CTNNBIP1: variants seen among roughly 807,000 people sequenced by gnomAD.
CTNNBIP1 encodes beta-catenin-interacting protein 1.
CTNNBIP1 carries 7 observed loss-of-function variants against 11.8 expected under a neutral mutation model. That is an observed-to-expected ratio of 0.60 (90% CI 0.34 to 1.12). The LOEUF (loss-of-function observed/expected upper bound fraction) is 1.12, where lower values mean the gene tolerates loss of function less well. Ranked by LOEUF, CTNNBIP1 falls within the 50% of genes most tolerant of loss-of-function variation. CTNNBIP1 has a pLI of 0.03. For missense variants in CTNNBIP1, 101 were observed against 113.4 expected (o/e 0.89, Z 0.50); for synonymous variants, 58 against 43.9 (o/e 1.32, Z -1.26).
chr1:9,858,112 G>A (rs1448418781), intron 5 of CTNNBIP1, among the ~76,000 whole-genome samples: 1 of 152,084 alleles, frequency 6.6e-6, no homozygotes, highest in Non-Finnish European at 1.5e-5. Flanking sequence ...ACTCTACTTC[G>A]CTACTTATAA....
In CTNNBIP1 at chr1:9,872,122, G is replaced by T; in HGVS notation, c.-24-34C>A. On this transcript the variant is annotated intron_variant, in intron 3 of 5. Coordinates refer to ENST00000377263, the MANE Select transcript of CTNNBIP1 (RefSeq NM_020248.3). This position sits in a 1 kb window ranked among gnomAD's most constrained non-coding sequence, Gnocchi z 4.0. ...CAAGCAACAGCATCAAAAGGGAAGA[G>T]ATCAGGATGTGACATACTGGGACAA... 1 of 1,329,346 alleles carries T rather than the reference G, an allele frequency of 7.5e-7. No individual in the cohort carries two copies. Among genetic ancestry groups the T allele is most frequent in the Admixed American group, 1.7e-5 (1 of 59,084 alleles). 82.3% of individuals were successfully genotyped at this position (1,329,346 alleles called of 1,614,324 possible).
At chr1:9,884,219 C>T (rs1343178641) in intron 1 of CTNNBIP1, among the ~76,000 whole-genome samples, 1 of 152,064 alleles carries the variant, frequency 6.6e-6, no homozygotes, top group Non-Finnish European at 1.5e-5. Flanking sequence ...AACTGGATGC[C>T]CTTTCCTGGG....
intron 5 of CTNNBIP1, among the ~76,000 whole-genome samples, chr1:9,864,455 A>C (rs1469110266): frequency 2.6e-5 from 4 of 152,124 alleles, no homozygotes; most frequent in Non-Finnish European, 5.9e-5. Context: ...CAGCCTCCTG[A>C]GTAGCCAGGA....
chr1:9,866,170 C>T lies in CTNNBIP1; in HGVS notation c.187+5017G>A, dbSNP rs114187217. On this transcript the variant is annotated intron_variant, in intron 5 of 5. Transcript: ENST00000377263. ...AGGAGACAGTGTGGGTGTAGCACAG[C>T]TGAGGTACATGCACATGTGACAGGA... Among the ~76,000 whole-genome samples, 516 of 152,306 alleles carry T rather than the reference C, an allele frequency of 3.4e-3. 6 individuals are homozygous for T. Among genetic ancestry groups the T allele is most frequent in the African/African-American group, 0.011 (468 of 41,558 alleles).
chr1:9,903,886 T>C (rs533785759), intron 1 of CTNNBIP1, among the ~76,000 whole-genome samples: 20 of 152,312 alleles, frequency 1.3e-4, no homozygotes, highest in Non-Finnish European at 2.5e-4. Flanking sequence ...GACATGGTGC[T>C]CAGAGCTCTG....
chr1:9,898,248 G>A (rs933032138), intron 1 of CTNNBIP1, among the ~76,000 whole-genome samples: 5 of 151,794 alleles, frequency 3.3e-5, no homozygotes, highest in Admixed American at 6.6e-5. Flanking sequence ...ACAGTGGGCC[G>A]GGCACAGTGG....
chr1:9,877,601 C>T (rs1638998108), intron 3 of CTNNBIP1, among the ~76,000 whole-genome samples: 1 of 152,212 alleles, frequency 6.6e-6, no homozygotes, highest in Non-Finnish European at 1.5e-5. Flanking sequence ...ACAATTTACA[C>T]TTTCATGATG....
rs1387629696 is a variant in CTNNBIP1, at chr1:9,908,614, G to A, written c.-144+1481C>T. ...CCTAACCTCGTGATCCGCCCGCCTC[G>A]GCCTCCCAAAGTGCTGGGACTACAA... On this transcript the variant is annotated intron_variant, in intron 1 of 5. Coordinates refer to ENST00000377263, the MANE Select transcript of CTNNBIP1 (RefSeq NM_020248.3). 3.9e-5 allele frequency among the ~76,000 whole-genome samples: 6 copies of A among 152,114 alleles called. No individual in the cohort carries two copies. In the East Asian group the frequency reaches 9.7e-4, roughly 24 times the overall value.
chr1:9,860,208 ACCAGGCAGGGCACAGC>A (rs1016405888), intron 5 of CTNNBIP1, among the ~76,000 whole-genome samples: 4 of 152,110 alleles, frequency 2.6e-5, no homozygotes, highest in Non-Finnish European at 5.9e-5. Context: ...GGCTCCACAG[ACCAGGCAGGGCACAGC>A]CCTGTACAAT....
At chr1:9,860,525 G>A (rs1476642915) in intron 5 of CTNNBIP1, among the ~76,000 whole-genome samples, 5 of 148,206 alleles carry the variant, frequency 3.4e-5, no homozygotes, top group Non-Finnish European at 5.9e-5. Flanking sequence ...CAGGAGAGTC[G>A]CTTGAACCTG....
At chr1:9,866,470 G>C (rs1638747445) in intron 5 of CTNNBIP1, among the ~76,000 whole-genome samples, 1 of 152,076 alleles carries the variant, frequency 6.6e-6, no homozygotes, top group Non-Finnish European at 1.5e-5. Flanking sequence ...AAGGTGTATG[G>C]ATCACCTGAA....
rs1638334658 is a variant in CTNNBIP1, at chr1:9,849,698, G to A, written c.*1020C>T. On this transcript the variant is annotated 3_prime_UTR_variant, in exon 6 of 6. Transcript: ENST00000377263. ...GTGGTACACAGAAGGATGGCCAAGAGGACAGAGCTGGGTAGTACGCCTCTG... is the reference window on the plus strand; with the variant it reads ...GTGGTACACAGAAGGATGGCCAAGAAGACAGAGCTGGGTAGTACGCCTCTG... 1 of 152,356 alleles carries A rather than the reference G, an allele frequency of 6.6e-6. No homozygotes were observed. Among genetic ancestry groups the A allele is most frequent in the South Asian group, 2.1e-4 (1 of 4,828 alleles). 9.4% of individuals were successfully genotyped at this position (152,356 alleles called of 1,614,324 possible).
At chr1:9,877,581 T>G (rs1484223797) in intron 3 of CTNNBIP1, among the ~76,000 whole-genome samples, 1 of 152,212 alleles carries the variant, frequency 6.6e-6, no homozygotes, top group African/African-American at 2.4e-5. Flanking sequence ...TCTAATACAT[T>G]TAAAAATGTA....
chr1:9,893,495 C>T (rs1286211303), intron 1 of CTNNBIP1, among the ~76,000 whole-genome samples: 2 of 152,276 alleles, frequency 1.3e-5, no homozygotes, highest in Admixed American at 6.5e-5. Context: ...AGGCCAACGA[C>T]TCACCCAAGA....
In CTNNBIP1 at chr1:9,910,150, G is replaced by C. The variant is rs999574585; in HGVS notation, c.-199C>G. The C allele has an allele frequency of 1.4e-5, 2 of 147,048 alleles. No homozygotes were observed. Among genetic ancestry groups the C allele is most frequent in the African/African-American group, 4.9e-5 (2 of 41,072 alleles). 9.1% of individuals were successfully genotyped at this position (147,048 alleles called of 1,614,324 possible). Reference sequence around the variant, plus strand: ...GGGCAGCGGGTCCGGCGCGCAGCGCGCGGCGGCCTGTTCCGGGGCGTGCTC... The same window carrying C: ...GGGCAGCGGGTCCGGCGCGCAGCGCCCGGCGGCCTGTTCCGGGGCGTGCTC... On this transcript the variant is annotated 5_prime_UTR_variant, in exon 1 of 6. Coordinates refer to ENST00000377263, the MANE Select transcript of CTNNBIP1 (RefSeq NM_020248.3).
At chr1:9,860,378 G>A (rs1345340344) in intron 5 of CTNNBIP1, among the ~76,000 whole-genome samples, 1 of 146,644 alleles carries the variant, frequency 6.8e-6, no homozygotes, top group Non-Finnish European at 1.5e-5. Context: ...ATCACCTGAG[G>A]TCAGGAGTTC....
chr1:9,875,124 C>G (rs1638939111), intron 3 of CTNNBIP1, among the ~76,000 whole-genome samples: 1 of 152,206 alleles, frequency 6.6e-6, no homozygotes, highest in African/African-American at 2.4e-5. Flanking sequence ...CCAGACCACC[C>G]GGTTCGAGCC....
At chr1:9,894,709 G>A (rs1205527627) in intron 1 of CTNNBIP1, among the ~76,000 whole-genome samples, 1 of 151,342 alleles carries the variant, frequency 6.6e-6, no homozygotes, top group Non-Finnish European at 1.5e-5. Flanking sequence ...TATAGTTTTT[G>A]TAGAAATGGC....
rs369168783 is a variant in CTNNBIP1 at position 9,900,064 on chromosome 1, G to A, written c.-144+10031C>T. On this transcript the variant is annotated intron_variant, in intron 1 of 5. Transcript: ENST00000377263. The stretch of plus-strand genomic sequence containing the variant: ...ACTCCAGCCTGGACGACAAGACTCC[G>A]TCTCAAGAAAAAAAAAAAAAACAAT... Among the ~76,000 whole-genome samples, 27 of 147,690 alleles carry A rather than the reference G, an allele frequency of 1.8e-4. No homozygotes were observed. The South Asian group carries it at 4.7e-3, about 26-fold the overall frequency.
Sources: allele counts gnomAD v4.1 joint callset (sites outside exome capture counted in the v4.1 genomes callset), GRCh38; gene constraint gnomAD v4.1.1; non-coding constraint Gnocchi (gnomAD v3.1); transcripts MANE v1.5; gene names NCBI Gene and HGNC (gene_info 2026-07-23, HGNC 2026-07-21).